NBAS: variants seen among roughly 807,000 people sequenced by gnomAD.
NBAS encodes the protein NAG/BC035112 fusion.
A neutral mutation model predicts 302.5 loss-of-function variants in NBAS; 219 were observed. The ratio of observed to expected loss-of-function variants is 0.72; its 90% CI spans 0.65 to 0.81. NBAS has a LOEUF of 0.81. NBAS is among the 30% of genes least tolerant of loss of function. NBAS has a pLI of 0.00. For missense variants in NBAS, 2,932 were observed against 2,841.6 expected, an observed-to-expected ratio of 1.03 and a Z score of -0.72; for synonymous variants, 1,118 against 1,021.6, an observed-to-expected ratio of 1.09 and a Z score of -1.80.
the NBAS span, among the ~76,000 whole-genome samples, chr2:14,983,930 G>A: frequency 6.6e-6 from 1 of 152,162 alleles, no homozygotes; most frequent in South Asian, 2.1e-4. Flanking sequence ...GACTTCTGCT[G>A]TCAGAATCCG....
At chr2:15,117,359 A>G in the NBAS span, among the ~76,000 whole-genome samples, 1 of 152,076 alleles carries the variant, frequency 6.6e-6, no homozygotes, top group Non-Finnish European at 1.5e-5. Context: ...TTCACCGCCT[A>G]TCCATTCAGA....
At chr2:15,249,889 A>T (rs957057466) in intron 44 of NBAS, among the ~76,000 whole-genome samples, 4 of 152,198 alleles carry the variant, frequency 2.6e-5, no homozygotes, top group Non-Finnish European at 4.4e-5. Flanking sequence ...CTGATGCCCA[A>T]AGTAATTTAC....
At chr2:15,154,116 C>T in the NBAS span, among the ~76,000 whole-genome samples, 1 of 152,204 alleles carries the variant, frequency 6.6e-6, no homozygotes, top group East Asian at 1.9e-4. Context: ...TATTTTAATG[C>T]ATTGAGGCTG....
chr2:15,510,325 G>C (rs1259550499), intron 10 of NBAS, among the ~76,000 whole-genome samples: 2 of 152,170 alleles, frequency 1.3e-5, no homozygotes, highest in Non-Finnish European at 1.5e-5. Flanking sequence ...TACAATAAAT[G>C]AACTGTAAGT....
chr2:14,845,003 A>G, the NBAS span, among the ~76,000 whole-genome samples: 1 of 152,332 alleles, frequency 6.6e-6, no homozygotes. Context: ...GAGAGACACA[A>G]GCCTTGCTGG....
At chr2:15,264,495 C>T (rs376317075) in intron 44 of NBAS, among the ~76,000 whole-genome samples, 2 of 152,138 alleles carry the variant, frequency 1.3e-5, no homozygotes, top group Admixed American at 6.6e-5. Context: ...TGATTACCTT[C>T]GCCAATGTGA....
the NBAS span, among the ~76,000 whole-genome samples, chr2:15,059,404 CT>C: frequency 6.6e-6 from 1 of 151,850 alleles, no homozygotes; most frequent in Non-Finnish European, 1.5e-5. Flanking sequence ...GTTTCTTAAC[CT>C]TTGCATTGTT....
At chr2:15,119,903 G>A in the NBAS span, among the ~76,000 whole-genome samples, 1 of 152,172 alleles carries the variant, frequency 6.6e-6, no homozygotes, top group Non-Finnish European at 1.5e-5. Context: ...TTACAGATGA[G>A]GAAGCCCTCA....
rs143543434 is a variant in NBAS, at chr2:15,352,654, G to A, written c.4090-573C>T. Among the ~76,000 whole-genome samples, 23 of 152,120 alleles carry A rather than the reference G, an allele frequency of 1.5e-4. No homozygotes were observed. The South Asian group carries it at 1.7e-3, about 11-fold the overall frequency. Reference sequence around the variant, plus strand: ...GGCCTGCTGGTGATGGGAGGGGAGCGTGCGCAGTGTGTTTACAGGAGTCGT... The same window carrying A: ...GGCCTGCTGGTGATGGGAGGGGAGCATGCGCAGTGTGTTTACAGGAGTCGT... On this transcript the variant is annotated intron_variant, in intron 34 of 51. Coordinates refer to ENST00000281513, the MANE Select transcript of NBAS (RefSeq NM_015909.4).
the NBAS span, among the ~76,000 whole-genome samples, chr2:15,018,106 G>T: frequency 1.3e-5 from 2 of 151,974 alleles, no homozygotes; most frequent in African/African-American, 4.8e-5. Flanking sequence ...CATAGAAGTA[G>T]AATGTAGAAC....
rs562833708 is a variant in NBAS at position 15,541,015 on chromosome 2, C to T, written c.380-1659G>A. Reference sequence around the variant, plus strand: ...CTGGAATTACAGGCGTGAGCCACCGCACCCCGCCCATACGTGCCTTTTATA... The same window carrying T: ...CTGGAATTACAGGCGTGAGCCACCGTACCCCGCCCATACGTGCCTTTTATA... On this transcript the variant is annotated intron_variant, in intron 6 of 51. Transcript: ENST00000281513. 2.0e-5 allele frequency among the ~76,000 whole-genome samples: 3 copies of T among 152,214 alleles called. No individual in the cohort carries two copies. In the East Asian group the frequency reaches 5.8e-4, roughly 29 times the overall value.
chr2:15,116,869 A>AT, the NBAS span, among the ~76,000 whole-genome samples: 2 of 152,144 alleles, frequency 1.3e-5, no homozygotes, highest in Non-Finnish European at 1.5e-5. Flanking sequence ...TATAGGTTAG[A>AT]TTTTTTTAAT....
Position 15,402,229 on chromosome 2 carries a change from G to A in NBAS, c.3010C>T (p.Arg1004Ter), listed in dbSNP as rs780108348. Residue 1004 changes from arginine (R) to a stop codon, truncating the protein, a stop_gained, in exon 26 of 52, where the codon CGA (arginine) becomes TGA (stop). Coordinates refer to ENST00000281513, the MANE Select transcript of NBAS (RefSeq NM_015909.4). LOFTEE classifies it high-confidence loss of function. ...IALECIYTCERNDQLCLCYDL... is the reference protein window; with the variant it reads ...IALECIYTCE ...TAGCAAAGACAGAGTTGATCATTTC[G>A]TTCACAGGTATAGATGCACTCTAGT... The A allele has an allele frequency of 2.9e-5, 46 of 1,613,388 alleles. No individual in the cohort carries two copies. Among genetic ancestry groups the A allele is most frequent in the African/African-American group, 4.0e-5 (3 of 74,862 alleles).
At chr2:15,197,607 G>A (rs1188156419) in intron 48 of NBAS, among the ~76,000 whole-genome samples, 1 of 152,146 alleles carries the variant, frequency 6.6e-6, no homozygotes, top group East Asian at 1.9e-4. Context: ...AGTCCTACGA[G>A]GAGTTCTGTC....
At chr2:14,922,924 G>A in the NBAS span, among the ~76,000 whole-genome samples, 1 of 152,158 alleles carries the variant, frequency 6.6e-6, no homozygotes, top group African/African-American at 2.4e-5. Flanking sequence ...AGGCCGAGGT[G>A]GGTGGATCAA....
chr2:14,964,086 A>C, the NBAS span, among the ~76,000 whole-genome samples: 3 of 152,258 alleles, frequency 2.0e-5, no homozygotes, highest in Admixed American at 2.0e-4. Context: ...GAATATTTAT[A>C]GGTATACAAT....
At chr2:15,107,549 A>C in the NBAS span, among the ~76,000 whole-genome samples, 1 of 152,080 alleles carries the variant, frequency 6.6e-6, no homozygotes, top group Admixed American at 6.6e-5. Context: ...TCCCACTCCT[A>C]AGACTGTGGG....
intron 48 of NBAS, among the ~76,000 whole-genome samples, chr2:15,192,447 T>C (rs1040016182): frequency 6.6e-6 from 1 of 152,102 alleles, no homozygotes; most frequent in Non-Finnish European, 1.5e-5. Context: ...TTGTGGCTGG[T>C]TTCATTATTA....
chr2:15,433,708 T>C (rs984833479), intron 21 of NBAS, among the ~76,000 whole-genome samples: 8 of 152,184 alleles, frequency 5.3e-5, no homozygotes, highest in Non-Finnish European at 1.0e-4. Flanking sequence ...TTTTTACCCA[T>C]GAGCAAAGGA....
Sources: allele counts gnomAD v4.1 joint callset (sites outside exome capture counted in the v4.1 genomes callset), GRCh38; gene constraint gnomAD v4.1.1; transcripts MANE v1.5; gene names NCBI Gene and HGNC (gene_info 2026-07-23, HGNC 2026-07-21).